The following PHACTR2 variants were observed in gnomAD, a reference collection of about 807,000 sequenced individuals.
PHACTR2 encodes phosphatase and actin regulator 2.
A neutral mutation model predicts 76.0 loss-of-function variants in PHACTR2; 30 were observed. That is an observed-to-expected ratio of 0.39 (90% CI 0.30 to 0.54). PHACTR2 has a LOEUF of 0.54. PHACTR2 is among the 20% of genes least tolerant of loss of function. PHACTR2 has a pLI of 0.61. For synonymous variants in PHACTR2, 292 were observed against 292.5 expected, an observed-to-expected ratio of 1.00 and a Z score of 0.02; for missense variants, 696 against 781.1, an observed-to-expected ratio of 0.89 and a Z score of 1.30.
At chr6:143,706,406 A>G (rs1010940370) in intron 1 of PHACTR2, among the ~76,000 whole-genome samples, 6 of 152,214 alleles carry the variant, frequency 3.9e-5, no homozygotes, top group South Asian at 4.1e-4. Context: ...ATACATGTCT[A>G]TAATTCATTT....
chr6:143,592,003 G>A lies in PHACTR2; in HGVS notation c.217+54796G>A, dbSNP rs1339162218. Among the ~76,000 whole-genome samples, 1 of 152,152 alleles carries A rather than the reference G, an allele frequency of 6.6e-6. No individual in the cohort carries two copies. Among genetic ancestry groups the A allele is most frequent in the African/African-American group, 2.4e-5 (1 of 41,426 alleles). ...GGCATGGCTGTTTGTGGGTTGTGTTGACAGAAGTGCATTTGTGGATATGAG... is the reference window on the plus strand; with the variant it reads ...GGCATGGCTGTTTGTGGGTTGTGTTAACAGAAGTGCATTTGTGGATATGAG... On this transcript the variant is annotated intron_variant, in intron 1 of 11. Coordinates refer to the PHACTR2 transcript ENST00000367584. This position sits in a 1 kb window ranked among gnomAD's most constrained non-coding sequence, Gnocchi z 4.0.
chr6:143,706,774 C>T (rs1295197041), intron 1 of PHACTR2, among the ~76,000 whole-genome samples: 2 of 152,160 alleles, frequency 1.3e-5, no homozygotes, highest in African/African-American at 4.8e-5. Flanking sequence ...CTTTAGACAA[C>T]GGAAGGCAAG....
chr6:143,692,677 G>A (rs537216417), intron 1 of PHACTR2, among the ~76,000 whole-genome samples: 1 of 152,324 alleles, frequency 6.6e-6, no homozygotes, highest in South Asian at 2.1e-4. Flanking sequence ...CCATTATAAA[G>A]TAATCATAGC....
chr6:143,711,343 A>G (rs1174482595), intron 1 of PHACTR2, among the ~76,000 whole-genome samples: 1 of 152,210 alleles, frequency 6.6e-6, no homozygotes, highest in Non-Finnish European at 1.5e-5. Context: ...TCAGCCTAGA[A>G]CACAGTGCAA....
intron 6 of PHACTR2, among the ~76,000 whole-genome samples, chr6:143,771,166 ATATATATGTATATATATATATATGTG>A (rs1775108043): frequency 3.6e-5 from 1 of 27,670 alleles, no homozygotes. Flanking sequence ...ATGTATATAT[ATATATATGTATATATATATATATGTG>A]TGTATATATA....
rs1777352624 is a variant in PHACTR2 at position 143,680,003 on chromosome 6, A to C, written c.46+1794A>C. On this transcript the variant is annotated intron_variant, in intron 1 of 12. Transcript: ENST00000440869. The surrounding 1 kb of genome is among the most constrained non-coding windows in gnomAD (Gnocchi z 4.5). ...ATACATCATAAATACAGGGTTTTTTATTTTTCAGTTAAGGAATGACAGTGG... is the reference window on the plus strand; with the variant it reads ...ATACATCATAAATACAGGGTTTTTTCTTTTTCAGTTAAGGAATGACAGTGG... Among the ~76,000 whole-genome samples the C allele has an allele frequency of 6.6e-6, 1 of 152,032 alleles. No homozygotes were observed. Among genetic ancestry groups the C allele is most frequent in the Non-Finnish European group, 1.5e-5 (1 of 67,976 alleles).
intron 2 of PHACTR2, among the ~76,000 whole-genome samples, chr6:143,737,513 T>A (rs905234819): frequency 8.5e-5 from 13 of 152,296 alleles, no homozygotes; most frequent in East Asian, 3.9e-4. Flanking sequence ...TCCTTCTACA[T>A]TTCATAGCCT....
rs1309773557 is a variant in PHACTR2, at chr6:143,809,591, A to G, written c.1922+2458A>G. 6.6e-6 allele frequency among the ~76,000 whole-genome samples: 1 copy of G among 152,158 alleles called. No individual in the cohort carries two copies. Among genetic ancestry groups the G allele is most frequent in the Non-Finnish European group, 1.5e-5 (1 of 68,026 alleles). The stretch of plus-strand genomic sequence containing the variant: ...CAAGCAATACAAAATTCTATTAAGT[A>G]TAAATGAAAAACCTTCACTCCTTTC... On this transcript the variant is annotated intron_variant, in intron 12 of 12. Transcript: ENST00000440869. This position sits in a 1 kb window ranked among gnomAD's most constrained non-coding sequence, Gnocchi z 4.2.
intron 11 of PHACTR2, among the ~76,000 whole-genome samples, chr6:143,802,307 A>C (rs1222117484): frequency 4.0e-5 from 6 of 151,716 alleles, no homozygotes; most frequent in Admixed American, 3.9e-4. Flanking sequence ...ATCCCCCATA[A>C]CCTCAGCCCA....
intron 12 of PHACTR2, among the ~76,000 whole-genome samples, chr6:143,808,655 G>A (rs1776113378): frequency 6.6e-6 from 1 of 152,098 alleles, no homozygotes; most frequent in Non-Finnish European, 1.5e-5. Flanking sequence ...TTTGGTATCT[G>A]AAGGGGTCCT....
intron 1 of PHACTR2, among the ~76,000 whole-genome samples, chr6:143,573,992 G>A (rs183429813): frequency 2.0e-5 from 3 of 152,332 alleles, no homozygotes; most frequent in African/African-American, 7.2e-5. Flanking sequence ...TCAGGAGCCT[G>A]CGAGCAGCTC....
At chr6:143,759,857 A>G (rs1345283110) in intron 4 of PHACTR2, among the ~76,000 whole-genome samples, 1 of 152,036 alleles carries the variant, frequency 6.6e-6, no homozygotes, top group East Asian at 1.9e-4. Flanking sequence ...TTAGCTTACA[A>G]AATAATTGGG....
rs1470538483 is a variant in PHACTR2 at position 143,592,534 on chromosome 6, T to C, written c.217+55327T>C. On this transcript the variant is annotated intron_variant, in intron 1 of 11. Coordinates refer to the PHACTR2 transcript ENST00000367584. The surrounding 1 kb of genome is among the most constrained non-coding windows in gnomAD (Gnocchi z 4.0). ...GCGCTATTCACATCGACTAATACTC[T>C]ATAGGGGCCATTCCCTTGATTTGGT... 6.6e-6 allele frequency among the ~76,000 whole-genome samples: 1 copy of C among 152,190 alleles called. No homozygotes were observed. Among genetic ancestry groups the C allele is most frequent in the Admixed American group, 6.5e-5 (1 of 15,276 alleles).
In PHACTR2 at chr6:143,621,350, G is replaced by A. The variant is rs1033807515; in HGVS notation, c.13+13028G>A. On this transcript the variant is annotated intron_variant, in intron 1 of 11. Coordinates refer to the PHACTR2 transcript ENST00000305766. The surrounding 1 kb of genome is among the most constrained non-coding windows in gnomAD (Gnocchi z 4.1). The stretch of plus-strand genomic sequence containing the variant: ...GCGCGAATGAGTTCCTGTGGATCCC[G>A]AGCCCTCTCAGGCCTCCTCGGTGCA... 2.6e-5 allele frequency among the ~76,000 whole-genome samples: 4 copies of A among 152,114 alleles called. No homozygotes were observed. The highest frequency in any genetic ancestry group is 7.2e-5 in the African/African-American group (3 of 41,410).
In PHACTR2 at chr6:143,828,701, C is replaced by T. The variant is rs1398555883; in HGVS notation, c.*5012C>T. 1 of 152,152 alleles carries T rather than the reference C, an allele frequency of 6.6e-6. No individual in the cohort carries two copies. Among genetic ancestry groups the T allele is most frequent in the Non-Finnish European group, 1.5e-5 (1 of 68,046 alleles). 9.4% of individuals were successfully genotyped at this position (152,152 alleles called of 1,614,324 possible). Reference sequence around the variant, plus strand: ...AGCACAGCTGCACATATGAGCAAAGCACTGTTGGTCTGTGTTTCTCAGTGG... The same window carrying T: ...AGCACAGCTGCACATATGAGCAAAGTACTGTTGGTCTGTGTTTCTCAGTGG... On this transcript the variant is annotated 3_prime_UTR_variant, in exon 13 of 13. Coordinates refer to ENST00000440869, the MANE Select transcript of PHACTR2 (RefSeq NM_001100164.2). The surrounding 1 kb of genome is among the most constrained non-coding windows in gnomAD (Gnocchi z 4.7).
intron 1 of PHACTR2, among the ~76,000 whole-genome samples, chr6:143,681,576 A>T (rs7770812): frequency 0.49 from 74,847 of 151,674 alleles, 18,456 homozygotes; most frequent in South Asian, 0.59. Flanking sequence ...GCAGCTCAGA[A>T]TTTTAAAGTT....
In PHACTR2 at chr6:143,754,016, A is replaced by T. The variant is rs923947126; in HGVS notation, c.454+104A>T. On this transcript the variant is annotated intron_variant, in intron 4 of 12. Coordinates refer to ENST00000440869, the MANE Select transcript of PHACTR2 (RefSeq NM_001100164.2). This position sits in a 1 kb window ranked among gnomAD's most constrained non-coding sequence, Gnocchi z 6.2. ...TGACTCTAAAACCAGCAGTCTGCAG[A>T]GGAGAGGTTTACAAATAGAAAAAAG... 11 of 606,664 alleles carry T rather than the reference A, an allele frequency of 1.8e-5. No individual in the cohort carries two copies. The Admixed American group carries it at 2.3e-4, about 13-fold the overall frequency. 37.6% of individuals were successfully genotyped at this position (606,664 alleles called of 1,614,324 possible).
intron 6 of PHACTR2, among the ~76,000 whole-genome samples, chr6:143,770,281 A>G (rs1324959111): frequency 1.3e-5 from 2 of 152,220 alleles, no homozygotes; most frequent in Non-Finnish European, 2.9e-5. Context: ...AATTTCTCTT[A>G]GAGAAGGTGC....
upstream of PHACTR2, among the ~76,000 whole-genome samples, chr6:143,677,045 A>G (rs988416101): frequency 6.6e-6 from 1 of 151,930 alleles, no homozygotes; most frequent in Non-Finnish European, 1.5e-5. Context: ...AATGACCTAA[A>G]TATATTGCAC....
Sources: gnomAD v4.1 joint callset for allele counts (sites outside exome capture counted in the v4.1 genomes callset) on GRCh38, gnomAD v4.1.1 for gene constraint, Gnocchi (gnomAD v3.1) non-coding constraint, MANE v1.5 for transcripts, NCBI Gene and HGNC (gene_info 2026-07-23, HGNC 2026-07-21) for gene names.